The following SAMMSON variants were observed in gnomAD, a reference collection of about 807,000 sequenced individuals.
SAMMSON encodes the protein survival associated mitochondrial melanoma specific oncogenic non-coding RNA, also known as long intergenic non-protein coding RNA 1212.
chr3:70,415,347 G>C (rs546126013), intron 2 of SAMMSON, among the ~76,000 whole-genome samples: 13 of 152,132 alleles, frequency 8.5e-5, no homozygotes, highest in African/African-American at 3.1e-4. Context: ...GGTTCTCTGA[G>C]TTGCTGTGAA....
At chr3:70,247,449 A>T (rs1448607890) in intron 4 of SAMMSON, among the ~76,000 whole-genome samples, 1 of 151,796 alleles carries the variant, frequency 6.6e-6, no homozygotes. Flanking sequence ...AGCACTTCAT[A>T]TGTATTCTTT....
intron 6 of SAMMSON, chr3:70,272,456 G>A (rs1201927954): frequency 6.6e-6 from 1 of 152,106 alleles, no homozygotes; most frequent in East Asian, 1.9e-4. Context: ...GCAATGCTGG[G>A]GCATAATCCA....
At chr3:70,328,172 T>C (rs1006296451) in intron 7 of SAMMSON, among the ~76,000 whole-genome samples, 1 of 152,198 alleles carries the variant, frequency 6.6e-6, no homozygotes, top group Non-Finnish European at 1.5e-5. Flanking sequence ...CCATGATTTA[T>C]ATCTCTCACT....
intron 7 of SAMMSON, among the ~76,000 whole-genome samples, chr3:70,323,248 T>C (rs563480247): frequency 2.0e-5 from 3 of 152,262 alleles, no homozygotes; most frequent in African/African-American, 7.2e-5. Flanking sequence ...TAATCCGAGA[T>C]TTTTTGTCAT....
intron 6 of SAMMSON, among the ~76,000 whole-genome samples, chr3:70,264,441 TG>T (rs1354135941): frequency 1.3e-5 from 2 of 152,222 alleles, no homozygotes; most frequent in African/African-American, 4.8e-5. Context: ...AATATCGGCT[TG>T]CTAATTAACA....
At chr3:70,154,406 G>A (rs1021995691) in intron 4 of SAMMSON, among the ~76,000 whole-genome samples, 1 of 152,000 alleles carries the variant, frequency 6.6e-6, no homozygotes, top group Admixed American at 6.6e-5. Context: ...GCATAGCCAA[G>A]TCATAAGGCC....
At chr3:70,000,436 T>C (rs1485229213) in intron 1 of SAMMSON, among the ~76,000 whole-genome samples, 1 of 152,234 alleles carries the variant, frequency 6.6e-6, no homozygotes, top group Non-Finnish European at 1.5e-5. Context: ...ATGATATATA[T>C]TGACAATATT....
intron 4 of SAMMSON, chr3:70,125,663 T>C: frequency 1.4e-6 from 1 of 699,704 alleles, no homozygotes; most frequent in Non-Finnish European, 2.6e-6. Flanking sequence ...TCAATTCTTT[T>C]ATTACCTACA....
intron 6 of SAMMSON, among the ~76,000 whole-genome samples, chr3:70,258,908 TTTAA>T (rs771721928): frequency 3.3e-5 from 5 of 152,188 alleles, no homozygotes; most frequent in Non-Finnish European, 7.3e-5. Context: ...CTTCAATTTC[TTTAA>T]TTTTTTCACA....
At chr3:70,252,282 C>A (rs192981133) in intron 6 of SAMMSON, among the ~76,000 whole-genome samples, 1 of 152,086 alleles carries the variant, frequency 6.6e-6, no homozygotes. Context: ...GTATATGTAT[C>A]GTATGCTGTG....
At chr3:70,238,185 A>T (rs1701631326) in intron 4 of SAMMSON, among the ~76,000 whole-genome samples, 1 of 151,942 alleles carries the variant, frequency 6.6e-6, no homozygotes, top group East Asian at 1.9e-4. Flanking sequence ...AGACTCGCAT[A>T]GCACCAATCC....
chr3:70,383,485 G>A (rs1703091455), intron 9 of SAMMSON, among the ~76,000 whole-genome samples: 1 of 151,990 alleles, frequency 6.6e-6, no homozygotes, highest in Non-Finnish European at 1.5e-5. Flanking sequence ...GACCGCTCAT[G>A]TTCTTTGAGG....
At chr3:70,008,552 G>T (rs1040994841) in intron 1 of SAMMSON, among the ~76,000 whole-genome samples, 1 of 152,148 alleles carries the variant, frequency 6.6e-6, no homozygotes, top group East Asian at 1.9e-4. Flanking sequence ...AGATGATGGG[G>T]TTTTCTAGAT....
chr3:70,399,808 G>A (rs1701124118), intron 2 of SAMMSON, among the ~76,000 whole-genome samples: 1 of 149,774 alleles, frequency 6.7e-6, no homozygotes, highest in Non-Finnish European at 1.5e-5. Context: ...CCGGGAGGCA[G>A]AGGTTGCAGT....
chr3:70,292,017 C>T (rs1254271187), intron 7 of SAMMSON: 3 of 152,176 alleles, frequency 2.0e-5, no homozygotes, highest in African/African-American at 7.2e-5. Flanking sequence ...GGTTTCAAAG[C>T]TGAATAAATA....
intron 1 of SAMMSON, among the ~76,000 whole-genome samples, chr3:70,003,119 G>T (rs1488506478): frequency 1.3e-5 from 2 of 151,958 alleles, no homozygotes; most frequent in Non-Finnish European, 2.9e-5. Flanking sequence ...TACTCCAATA[G>T]TACTTTTGAC....
At chr3:70,279,323 G>T (rs2106679736) in intron 6 of SAMMSON, among the ~76,000 whole-genome samples, 1 of 152,144 alleles carries the variant, frequency 6.6e-6, no homozygotes, top group Non-Finnish European at 1.5e-5. Flanking sequence ...CATATGGAGT[G>T]GGTGATACAG....
chr3:70,403,548 T>C (rs1257558864), intron 2 of SAMMSON, among the ~76,000 whole-genome samples: 4 of 152,204 alleles, frequency 2.6e-5, no homozygotes, highest in Non-Finnish European at 4.4e-5. Context: ...TGCGTTGCGA[T>C]CTTTTGTGTA....
chr3:70,141,029 GT>G (rs937851476), intron 4 of SAMMSON, among the ~76,000 whole-genome samples: 6 of 151,286 alleles, frequency 4.0e-5, no homozygotes, highest in African/African-American at 1.2e-4. Context: ...TTTTGTTTTT[GT>G]TTTTATTTTC....
Sources: allele counts gnomAD v4.1 joint callset (sites outside exome capture counted in the v4.1 genomes callset), GRCh38; gene constraint gnomAD v4.1.1; transcripts MANE v1.5; gene names NCBI Gene and HGNC (gene_info 2026-07-23, HGNC 2026-07-21).